The following SNAP25 variants were observed in gnomAD, a reference collection of about 807,000 sequenced individuals.
SNAP25 encodes the protein synaptosomal-associated protein 25.
Under a neutral mutation model 28.7 loss-of-function variants are expected in SNAP25, and 3 were observed. That is an observed-to-expected ratio of 0.10 (90% CI 0.05 to 0.27). SNAP25 has a LOEUF of 0.27. SNAP25 is among the 10% of genes least tolerant of loss of function. The pLI is 1.00. For synonymous variants in SNAP25, 61 were observed against 88.1 expected, an observed-to-expected ratio of 0.69 and a Z score of 1.72; for missense variants, 117 against 278.7, an observed-to-expected ratio of 0.42 and a Z score of 4.13.
chr20:10,303,552 C>A (rs2064289926), intron 7 of SNAP25, among the ~76,000 whole-genome samples: 1 of 152,130 alleles, frequency 6.6e-6, no homozygotes, highest in Non-Finnish European at 1.5e-5. Flanking sequence ...TACAGCACCA[C>A]AATAGGTACA....
chr20:10,244,243 C>G (rs1294338455), intron 1 of SNAP25, among the ~76,000 whole-genome samples: 3 of 152,160 alleles, frequency 2.0e-5, no homozygotes, highest in Non-Finnish European at 2.9e-5. Flanking sequence ...CCTTGTGTAT[C>G]TGATCTCTAG....
chr20:10,295,544 T>C (rs1476600347), intron 5 of SNAP25, among the ~76,000 whole-genome samples: 3 of 152,068 alleles, frequency 2.0e-5, no homozygotes, highest in Non-Finnish European at 4.4e-5. Context: ...ATTGTGGGAG[T>C]TGCTGAAATT....
At chr20:10,251,317 G>A (rs2063222565) in intron 1 of SNAP25, among the ~76,000 whole-genome samples, 1 of 152,164 alleles carries the variant, frequency 6.6e-6, no homozygotes, top group African/African-American at 2.4e-5. Flanking sequence ...AGAGGCCAAA[G>A]TAGCATGAAG....
At chr20:10,284,879 A>C in intron 4 of SNAP25, 107 bp downstream of exon 4, 5 of 831,148 alleles carry the variant, frequency 6.0e-6, no homozygotes, top group South Asian at 1.5e-5. Context: ...TTACACATGT[A>C]CACGAATGTG....
chr20:10,281,616 G>A (rs1300589643), intron 3 of SNAP25, among the ~76,000 whole-genome samples: 2 of 152,220 alleles, frequency 1.3e-5, no homozygotes, highest in Non-Finnish European at 2.9e-5. Context: ...ATAAACGGCA[G>A]AGATGAAGTT....
intron 1 of SNAP25, among the ~76,000 whole-genome samples, chr20:10,230,517 A>C (rs1486065625): frequency 6.6e-6 from 1 of 152,174 alleles, no homozygotes; most frequent in Non-Finnish European, 1.5e-5. Context: ...AGCATCACCC[A>C]GGATTTTGTT....
At chr20:10,302,790 T>C (rs2064271174) in intron 7 of SNAP25, among the ~76,000 whole-genome samples, 3 of 152,068 alleles carry the variant, frequency 2.0e-5, no homozygotes, top group Non-Finnish European at 4.4e-5. Flanking sequence ...GACTTTTTTT[T>C]TTTTTTAAAA....
chr20:10,237,727 C>T (rs575992839), intron 1 of SNAP25, among the ~76,000 whole-genome samples: 10 of 152,220 alleles, frequency 6.6e-5, no homozygotes, highest in Admixed American at 1.3e-4. Flanking sequence ...CTGAGAAAAC[C>T]GAGGTACAAT....
At chr20:10,257,891 A>G (rs983980243) in intron 1 of SNAP25, among the ~76,000 whole-genome samples, 3 of 151,898 alleles carry the variant, frequency 2.0e-5, no homozygotes, top group Non-Finnish European at 2.9e-5. Flanking sequence ...TCAAAAAAAA[A>G]AAAAAAAAAA....
chr20:10,260,048 C>T (rs866435288), intron 1 of SNAP25, among the ~76,000 whole-genome samples: 3 of 152,154 alleles, frequency 2.0e-5, no homozygotes, highest in African/African-American at 7.2e-5. Context: ...TTTTCTGAGT[C>T]CTCTAACCCA....
chr20:10,226,472 A>G (rs2062735883), intron 1 of SNAP25, among the ~76,000 whole-genome samples: 1 of 152,156 alleles, frequency 6.6e-6, no homozygotes, highest in Non-Finnish European at 1.5e-5. Flanking sequence ...GCCATGTACC[A>G]GGAAAACATA....
At chr20:10,265,326 G>A (rs1555790480) in intron 1 of SNAP25, among the ~76,000 whole-genome samples, 1 of 152,170 alleles carries the variant, frequency 6.6e-6, no homozygotes, top group Non-Finnish European at 1.5e-5. Flanking sequence ...CTTACAGCAT[G>A]TTATCTGCTG....
intron 7 of SNAP25, among the ~76,000 whole-genome samples, chr20:10,300,130 C>G (rs1330794068): frequency 6.6e-6 from 1 of 150,512 alleles, no homozygotes; most frequent in Non-Finnish European, 1.5e-5. Context: ...AGACTTGGCT[C>G]TAAGATCCAC....
At chr20:10,263,497 G>A (rs1019613876) in intron 1 of SNAP25, among the ~76,000 whole-genome samples, 1 of 152,198 alleles carries the variant, frequency 6.6e-6, no homozygotes, top group African/African-American at 2.4e-5. Flanking sequence ...TAGCAGCACA[G>A]AAATAGTTTG....
chr20:10,222,521 G>C (rs2062653173), intron 1 of SNAP25, among the ~76,000 whole-genome samples: 1 of 152,144 alleles, frequency 6.6e-6, no homozygotes, highest in Non-Finnish European at 1.5e-5. Context: ...GGGTGGAGTG[G>C]GAAGCTTGGA....
chr20:10,301,940 C>A (rs2064250583), intron 7 of SNAP25, among the ~76,000 whole-genome samples: 1 of 146,036 alleles, frequency 6.8e-6, no homozygotes, highest in African/African-American at 2.5e-5. Flanking sequence ...ATAAAAATAA[C>A]CATATATAGA....
chr20:10,249,918 A>G (rs2122798350), intron 1 of SNAP25, among the ~76,000 whole-genome samples: 1 of 152,262 alleles, frequency 6.6e-6, no homozygotes, highest in South Asian at 2.1e-4. Context: ...TTTAGTGACC[A>G]TCAGGATCAC....
chr20:10,296,386 T>C (rs362986), intron 5 of SNAP25: 36,894 of 158,050 alleles, frequency 0.23, 4,680 homozygotes, highest in Middle Eastern at 0.33. Context: ...ATGTCCTTCA[T>C]GGAGCTTTGG....
In SNAP25 at chr20:10,296,999, G is replaced by A. The variant is rs774645750; in HGVS notation, c.356G>A (p.Arg119His). The A allele has an allele frequency of 9.9e-6, 16 of 1,613,044 alleles. No homozygotes were observed. The highest frequency in any genetic ancestry group is 4.0e-5 in the African/African-American group (3 of 74,926). ...GGAGTGGTGGCCAGCCAGCCTGCTC[G>A]TGTAGTGGACGAACGGGAGCAGATG... Reference protein sequence around the residue: ...QDGVVASQPARVVDEREQMAI... With the variant: ...QDGVVASQPAHVVDEREQMAI... The change falls in exon 6 of 8, where the codon CGT (arginine) becomes CAT (histidine). Residue 119 changes from arginine (R) to histidine (H), a missense_variant. By Grantham distance (29) the Arg-to-His change is conservative (BLOSUM62 0). Transcript: ENST00000254976.
Sources: gnomAD v4.1 joint callset for allele counts (sites outside exome capture counted in the v4.1 genomes callset) on GRCh38, gnomAD v4.1.1 for gene constraint, MANE v1.5 for transcripts, NCBI Gene and HGNC (gene_info 2026-07-23, HGNC 2026-07-21) for gene names.